Variants in JMJD1C observed in about 807,000 individuals in gnomAD.
JMJD1C encodes jumonji domain-containing protein 1C.
Under a neutral mutation model 245.3 loss-of-function variants are expected in JMJD1C, and 31 were observed. The observed-to-expected ratio is 0.13, with a 90% CI of 0.09 to 0.17. The LOEUF is 0.17. Ranked by LOEUF, JMJD1C falls within the 10% of genes least tolerant of loss-of-function variation. The probability of loss-of-function intolerance (pLI) is 1.00; values close to 1 mark genes in which losing one functional copy is unlikely to be tolerated. For missense variants in JMJD1C, 2,691 were observed against 3,000.2 expected (o/e 0.90, Z 2.41); for synonymous variants, 1,057 against 1,017.4 (o/e 1.04, Z -0.74).
At chr10:63,300,109 C>T (rs991616566) in intron 2 of JMJD1C, among the ~76,000 whole-genome samples, 23 of 152,168 alleles carry the variant, frequency 1.5e-4, no homozygotes, top group African/African-American at 5.5e-4. Context: ...AATGCTGACT[C>T]CACTAGGCAG....
At chr10:63,384,621 T>G (rs1947452048) in intron 1 of JMJD1C, among the ~76,000 whole-genome samples, 1 of 152,110 alleles carries the variant, frequency 6.6e-6, no homozygotes, top group Non-Finnish European at 1.5e-5. Context: ...TATAAACAGA[T>G]GTGTTGTCAT....
At chr10:63,247,719 CAAAAAAA>C (rs71025135) in intron 3 of JMJD1C, among the ~76,000 whole-genome samples, 10 of 105,502 alleles carry the variant, frequency 9.5e-5, no homozygotes, top group Admixed American at 1.2e-4. Flanking sequence ...GTGACAGAGC[CAAAAAAA>C]AAAAAAAAAA....
chr10:63,183,658 A>C, intron 21 of JMJD1C, 89 bp from the exon 22 acceptor site: 1 of 715,934 alleles, frequency 1.4e-6, no homozygotes. Flanking sequence ...CTCGATCTGC[A>C]TAATTTAATT....
At chr10:63,512,587 G>A (rs1453867492) in intron 1 of JMJD1C, among the ~76,000 whole-genome samples, 3 of 152,054 alleles carry the variant, frequency 2.0e-5, no homozygotes, top group Non-Finnish European at 4.4e-5. Flanking sequence ...CTATAGGTAA[G>A]GTATTTTTCC....
intron 1 of JMJD1C, among the ~76,000 whole-genome samples, chr10:63,446,112 C>G (rs1951705835): frequency 6.6e-6 from 1 of 151,792 alleles, no homozygotes; most frequent in African/African-American, 2.4e-5. Context: ...TAGACTCAAG[C>G]AATGTACCCG....
intron 2 of JMJD1C, among the ~76,000 whole-genome samples, chr10:63,332,633 G>A (rs1942278193): frequency 6.6e-6 from 1 of 152,170 alleles, no homozygotes; most frequent in Non-Finnish European, 1.5e-5. Flanking sequence ...ACAAAACGGA[G>A]ATATCTTACA....
chr10:63,197,826 ATTCT>A (rs1187243116), intron 12 of JMJD1C, among the ~76,000 whole-genome samples: 1 of 152,216 alleles, frequency 6.6e-6, no homozygotes, highest in Non-Finnish European at 1.5e-5. Flanking sequence ...AGGTTGAATA[ATTCT>A]TTGTTGGGAG....
At chr10:63,225,005 TG>T (rs1849075655) in intron 3 of JMJD1C, among the ~76,000 whole-genome samples, 2 of 151,400 alleles carry the variant, frequency 1.3e-5, no homozygotes, top group Admixed American at 1.3e-4. Flanking sequence ...GAGGTTGCAG[TG>T]AGCCGAGATT....
chr10:63,337,903 C>T (rs1444637503), intron 2 of JMJD1C, among the ~76,000 whole-genome samples: 1 of 152,170 alleles, frequency 6.6e-6, no homozygotes, highest in Non-Finnish European at 1.5e-5. Flanking sequence ...AAAACCACTT[C>T]ATATTCATTG....
intron 3 of JMJD1C, among the ~76,000 whole-genome samples, chr10:63,252,362 G>C (rs1853208804): frequency 1.3e-5 from 2 of 152,200 alleles, no homozygotes; most frequent in Admixed American, 1.3e-4. Flanking sequence ...CAGACTCTGA[G>C]TAAAGCAGAT....
chr10:63,181,766 G>C (rs953640939), intron 22 of JMJD1C, among the ~76,000 whole-genome samples: 2 of 152,156 alleles, frequency 1.3e-5, no homozygotes, highest in Admixed American at 6.5e-5. Context: ...GAGGAAAGCA[G>C]GTTAACTTCT....
chr10:63,347,204 G>A (rs1256366069), intron 2 of JMJD1C, among the ~76,000 whole-genome samples: 1 of 151,068 alleles, frequency 6.6e-6, no homozygotes, highest in Non-Finnish European at 1.5e-5. Context: ...AAGTAGCTAA[G>A]ATTACAGGTA....
intron 12 of JMJD1C, 144 bp from the exon 13 acceptor site, chr10:63,197,707 G>A: frequency 3.3e-6 from 2 of 611,238 alleles, no homozygotes. Flanking sequence ...TAGCTTTCTT[G>A]AAGTAATTTG....
intron 1 of JMJD1C, among the ~76,000 whole-genome samples, chr10:63,432,606 TA>T (rs1950823580): frequency 6.6e-6 from 1 of 152,206 alleles, no homozygotes; most frequent in Non-Finnish European, 1.5e-5. Context: ...CTGGCATCCT[TA>T]AATGATCACA....
chr10:63,345,316 G>GTCTCTAC (rs1272028872), intron 2 of JMJD1C, among the ~76,000 whole-genome samples: 1 of 151,988 alleles, frequency 6.6e-6, no homozygotes, highest in African/African-American at 2.4e-5. Context: ...GTGAAACCCT[G>GTCTCTAC]TCTCTACTAA....
chr10:63,255,583 T>C (rs1352362877), intron 3 of JMJD1C, among the ~76,000 whole-genome samples: 1 of 152,196 alleles, frequency 6.6e-6, no homozygotes. Context: ...ACCATGACAT[T>C]GCCTGCTATA....
chr10:63,326,751 T>C (rs1357908016), intron 2 of JMJD1C, among the ~76,000 whole-genome samples: 4 of 152,048 alleles, frequency 2.6e-5, no homozygotes, highest in Non-Finnish European at 4.4e-5. Flanking sequence ...TGGTGGTGGG[T>C]GCCTATAATC....
intron 10 of JMJD1C, chr10:63,202,434 A>C (rs1846130533): frequency 1.0e-6 from 1 of 985,294 alleles, no homozygotes; most frequent in South Asian, 4.7e-5. Context: ...TGTGTTTTCT[A>C]ATCATGCCCA....
intron 11 of JMJD1C, 22 bp downstream of exon 11, chr10:63,200,454 C>A (rs1045116405): frequency 6.4e-7 from 1 of 1,570,266 alleles, no homozygotes; most frequent in Non-Finnish European, 8.7e-7. Context: ...TACTTTTTTC[C>A]CAATCTCATA....
Sources: gnomAD v4.1 joint callset for allele counts (sites outside exome capture counted in the v4.1 genomes callset) on GRCh38, gnomAD v4.1.1 for gene constraint, MANE v1.5 for transcripts, NCBI Gene and HGNC (gene_info 2026-07-23, HGNC 2026-07-21) for gene names.